The following MACROD2 variants were observed in gnomAD, a reference collection of about 807,000 sequenced individuals.
MACROD2 encodes the protein mono-ADP ribosylhydrolase 2.
A neutral mutation model predicts 70.4 loss-of-function variants in MACROD2; 36 were observed. The observed-to-expected ratio is 0.51, with a 90% CI of 0.39 to 0.68. MACROD2 has a LOEUF of 0.68. Among genes scored for constraint, MACROD2 ranks in the 30% least tolerant of loss-of-function variants. The probability of loss-of-function intolerance (pLI) is 0.00; values close to 1 mark genes in which losing one functional copy is unlikely to be tolerated. For synonymous variants in MACROD2, 172 were observed against 178.8 expected (o/e 0.96, Z 0.30); for missense variants, 496 against 538.4 (o/e 0.92, Z 0.78).
At chr20:14,278,423 A>G (rs1011561513) in intron 3 of MACROD2, among the ~76,000 whole-genome samples, 1 of 152,144 alleles carries the variant, frequency 6.6e-6, no homozygotes, top group African/African-American at 2.4e-5. Context: ...TTAATTTTGA[A>G]AGGACTGAAA....
intron 8 of MACROD2, among the ~76,000 whole-genome samples, chr20:15,830,456 C>T (rs1269687496): frequency 6.6e-6 from 1 of 152,162 alleles, no homozygotes; most frequent in Non-Finnish European, 1.5e-5. Flanking sequence ...ACTGTTCATT[C>T]ATTTAATATG....
At chr20:15,836,305 C>T (rs1254601312) in intron 8 of MACROD2, among the ~76,000 whole-genome samples, 1 of 152,138 alleles carries the variant, frequency 6.6e-6, no homozygotes, top group Non-Finnish European at 1.5e-5. Flanking sequence ...GTATTTGTGG[C>T]AACAAACCCC....
intron 5 of MACROD2, among the ~76,000 whole-genome samples, chr20:14,733,432 C>T (rs1338283142): frequency 6.6e-6 from 1 of 152,014 alleles, no homozygotes; most frequent in Non-Finnish European, 1.5e-5. Context: ...TATACATAAA[C>T]ATTTATGTTG....
At chr20:14,521,419 G>A (rs1250233369) in intron 4 of MACROD2, among the ~76,000 whole-genome samples, 2 of 152,132 alleles carry the variant, frequency 1.3e-5, no homozygotes, top group Non-Finnish European at 2.9e-5. Flanking sequence ...TGTATGCCAG[G>A]CAGCATACTA....
At position 15,628,242 on chromosome 20, in the gene MACROD2, C is replaced by T. The variant is rs569108860; in HGVS notation, c.645+128395C>T. On this transcript the variant is annotated intron_variant, in intron 8 of 17. Coordinates refer to ENST00000684519, the MANE Select transcript of MACROD2 (RefSeq NM_001351661.2). ...TTTCCTAATTCCTTAAATACTAGAC[C>T]TTTATTTACATATACATTTAAGCCT... is the stretch of plus-strand genomic sequence containing the variant. 3.3e-5 allele frequency among the ~76,000 whole-genome samples: 5 copies of T among 152,206 alleles called. No homozygotes were observed. The South Asian group carries it at 1.0e-3, about 32-fold the overall frequency.
intron 4 of MACROD2, among the ~76,000 whole-genome samples, chr20:14,638,182 C>A: frequency 1.3e-5 from 2 of 152,052 alleles, no homozygotes; most frequent in East Asian, 3.9e-4. Flanking sequence ...TGAATTATCT[C>A]TATCATGAGC....
chr20:15,011,287 CAGGAAAGAGAGA>C (rs1042554452), intron 5 of MACROD2, among the ~76,000 whole-genome samples: 32 of 151,744 alleles, frequency 2.1e-4, no homozygotes, highest in South Asian at 1.3e-3. Flanking sequence ...GGAGGAAGAG[CAGGAAAGAGAGA>C]AGGAAAGAGA....
At chr20:14,765,128 T>A (rs1022482871) in intron 5 of MACROD2, among the ~76,000 whole-genome samples, 3 of 152,090 alleles carry the variant, frequency 2.0e-5, no homozygotes, top group African/African-American at 7.3e-5. Context: ...GGAGTGCAGG[T>A]TCTTACATTT....
intron 4 of MACROD2, among the ~76,000 whole-genome samples, chr20:14,580,088 C>G (rs933724793): frequency 3.3e-5 from 5 of 152,000 alleles, no homozygotes; most frequent in African/African-American, 1.2e-4. Context: ...TTTTTCAAAG[C>G]AGGTTGATTA....
At chr20:15,363,555 A>G (rs1568750567) in intron 6 of MACROD2, among the ~76,000 whole-genome samples, 2 of 152,292 alleles carry the variant, frequency 1.3e-5, no homozygotes, top group East Asian at 3.9e-4. Context: ...GACAGTGCCC[A>G]CTGAGATTGA....
intron 6 of MACROD2, among the ~76,000 whole-genome samples, chr20:15,315,102 T>C (rs917754309): frequency 3.9e-5 from 6 of 152,184 alleles, no homozygotes; most frequent in Non-Finnish European, 7.4e-5. Flanking sequence ...TCAATTAAAA[T>C]GATCTCATTT....
intron 15 of MACROD2, among the ~76,000 whole-genome samples, chr20:16,007,158 A>C (rs2066800273): frequency 1.3e-5 from 2 of 152,244 alleles, no homozygotes; most frequent in African/African-American, 4.8e-5. Context: ...ATTGGCTTAC[A>C]AAAAGATATA....
intron 5 of MACROD2, among the ~76,000 whole-genome samples, chr20:15,095,797 G>A (rs572091321): frequency 2.6e-5 from 4 of 152,254 alleles, no homozygotes; most frequent in South Asian, 2.1e-4. Context: ...GATTACAGGC[G>A]TGAGCCACCG....
chr20:14,681,717 A>T (rs1442856614), intron 4 of MACROD2, among the ~76,000 whole-genome samples: 1 of 152,196 alleles, frequency 6.6e-6, no homozygotes, highest in Non-Finnish European at 1.5e-5. Flanking sequence ...CACACTTAAA[A>T]TCTGTACATT....
Position 15,802,799 on chromosome 20 carries a change from A to G in MACROD2, c.646-59946A>G, listed in dbSNP as rs144415773. Reference sequence around the variant, plus strand: ...GACTAATCAAGAAAAAAGATAATATATCCAAATAAATCACATAAGAAATGA... The same window carrying G: ...GACTAATCAAGAAAAAAGATAATATGTCCAAATAAATCACATAAGAAATGA... On this transcript the variant is annotated intron_variant, in intron 8 of 17. Transcript: ENST00000684519. 2.8e-3 allele frequency among the ~76,000 whole-genome samples: 421 copies of G among 152,206 alleles called. 5 individuals carry two copies. The highest frequency in any genetic ancestry group is 9.4e-3 in the African/African-American group (392 of 41,504).
intron 9 of MACROD2, among the ~76,000 whole-genome samples, chr20:15,864,249 A>G (rs1025841540): frequency 1.3e-5 from 2 of 151,852 alleles, no homozygotes; most frequent in South Asian, 2.1e-4. Flanking sequence ...TCCTTGCTCC[A>G]TTTTTCCTTT....
At chr20:14,369,090 C>T (rs536195642) in intron 3 of MACROD2, among the ~76,000 whole-genome samples, 1 of 152,276 alleles carries the variant, frequency 6.6e-6, no homozygotes, top group East Asian at 1.9e-4. Context: ...TTTAGTTCTT[C>T]TGCCTGAGCT....
chr20:14,058,619 CT>C (rs1194113773), intron 2 of MACROD2, among the ~76,000 whole-genome samples: 1 of 144,794 alleles, frequency 6.9e-6, no homozygotes, highest in Non-Finnish European at 1.5e-5. Context: ...ATTCATTTTT[CT>C]TTTTCTTTTT....
intron 3 of MACROD2, among the ~76,000 whole-genome samples, chr20:14,097,821 C>G (rs996876928): frequency 4.6e-5 from 7 of 152,124 alleles, no homozygotes; most frequent in Admixed American, 2.6e-4. Context: ...ACACCTTATA[C>G]ACATAGCCTG....
Sources: allele counts gnomAD v4.1 joint callset (sites outside exome capture counted in the v4.1 genomes callset), GRCh38; gene constraint gnomAD v4.1.1; transcripts MANE v1.5; gene names NCBI Gene and HGNC (gene_info 2026-07-23, HGNC 2026-07-21).